Variants in AKAP6 observed in about 807,000 individuals in gnomAD.
AKAP6 encodes the protein A-kinase anchor protein 6.
In AKAP6, 58 loss-of-function variants were observed where a neutral mutation model predicts 188.5. That is an observed-to-expected ratio of 0.31 (90% CI 0.25 to 0.38). AKAP6 has a LOEUF of 0.38. AKAP6 is among the 10% of genes least tolerant of loss of function. The probability of loss-of-function intolerance (pLI) is 1.00; values close to 1 mark genes in which losing one functional copy is unlikely to be tolerated. For synonymous variants in AKAP6, 989 were observed against 998.6 expected, an observed-to-expected ratio of 0.99 and a Z score of 0.18; for missense variants, 2,710 against 2,740.0, an observed-to-expected ratio of 0.99 and a Z score of 0.24.
At chr14:32,700,860 A>G (rs1890592221) in intron 9 of AKAP6, among the ~76,000 whole-genome samples, 2 of 152,210 alleles carry the variant, frequency 1.3e-5, no homozygotes, top group African/African-American at 4.8e-5. Flanking sequence ...TAGCAGGGAT[A>G]TACATTTCTC....
chr14:32,570,438 G>A (rs1884427337), intron 4 of AKAP6, among the ~76,000 whole-genome samples: 1 of 151,972 alleles, frequency 6.6e-6, no homozygotes, highest in Non-Finnish European at 1.5e-5. Flanking sequence ...CACTGCGCCT[G>A]GCCCGTGTGG....
At chr14:32,421,244 T>C (rs1889839902) in intron 1 of AKAP6, among the ~76,000 whole-genome samples, 1 of 152,152 alleles carries the variant, frequency 6.6e-6, no homozygotes, top group Non-Finnish European at 1.5e-5. Flanking sequence ...TCCTTCATTT[T>C]CTTGAAAGAT....
At chr14:32,745,515 C>G (rs1162306107) in intron 11 of AKAP6, among the ~76,000 whole-genome samples, 2 of 150,138 alleles carry the variant, frequency 1.3e-5, no homozygotes, top group African/African-American at 2.5e-5. Flanking sequence ...CTCTCTCTCT[C>G]TCTGTCTGTC....
intron 12 of AKAP6, among the ~76,000 whole-genome samples, chr14:32,794,001 C>A (rs557866897): frequency 6.6e-6 from 1 of 152,192 alleles, no homozygotes; most frequent in East Asian, 1.9e-4. Context: ...ATCAAGTGGA[C>A]CTGATAGATA....
chr14:32,689,881 A>T (rs1389428532), intron 8 of AKAP6, among the ~76,000 whole-genome samples: 2 of 152,046 alleles, frequency 1.3e-5, no homozygotes, highest in Non-Finnish European at 2.9e-5. Context: ...TCCTAGGCAA[A>T]TAATGTGAAC....
At chr14:32,388,366 C>T (rs1010348750) in intron 1 of AKAP6, among the ~76,000 whole-genome samples, 2 of 151,834 alleles carry the variant, frequency 1.3e-5, no homozygotes, top group African/African-American at 2.4e-5. Context: ...TCATTTAGTT[C>T]TGCTCTGATC....
intron 7 of AKAP6, among the ~76,000 whole-genome samples, chr14:32,641,922 A>C (rs1887774531): frequency 6.6e-6 from 1 of 152,178 alleles, no homozygotes; most frequent in Non-Finnish European, 1.5e-5. Flanking sequence ...GTTCTCAGTG[A>C]CTAGAGATTT....
chr14:32,426,724 G>A lies in AKAP6; in HGVS notation c.-34-6736G>A, dbSNP rs570879168. ...GTGCCACTGCGGCTGCCTGCCTGAA[G>A]CAGTCAAATGAATCTCTCTGTGACA... On this transcript the variant is annotated intron_variant, in intron 1 of 13. Transcript: ENST00000280979. Among the ~76,000 whole-genome samples, 4 of 152,292 alleles carry A rather than the reference G, an allele frequency of 2.6e-5. No homozygotes were observed. In the East Asian group the frequency reaches 5.8e-4, roughly 22 times the overall value.
At chr14:32,541,060 GAAATA>G (rs976253320) in intron 3 of AKAP6, among the ~76,000 whole-genome samples, 38 of 151,588 alleles carry the variant, frequency 2.5e-4, no homozygotes, top group African/African-American at 9.0e-4. Flanking sequence ...ATAACCTATG[GAAATA>G]AAATAAATAA....
In AKAP6 at chr14:32,615,167, C is replaced by CAAAAAAAAAAAAGAAAAA. The variant is rs1886512274; in HGVS notation, c.2730+14387_2730+14388insGAAAAAAAAAAAAAAAAA. On this transcript the variant is annotated intron_variant, in intron 7 of 13. Transcript: ENST00000280979. Reference sequence around the variant, plus strand: ...CTGGCAACAGAGCAAGACTCTGTCTCAAAAAAAAAAAAAAAAAAAGATAAA... The same window carrying CAAAAAAAAAAAAGAAAAA: ...CTGGCAACAGAGCAAGACTCTGTCTCAAAAAAAAAAAAGAAAAAAAAAAAAAAAAAAAAAAAAGATAAA... Among the ~76,000 whole-genome samples the CAAAAAAAAAAAAGAAAAA allele has an allele frequency of 3.7e-5, 2 of 53,506 alleles. 1 individual carries two copies. Among genetic ancestry groups the CAAAAAAAAAAAAGAAAAA allele is most frequent in the Non-Finnish European group, 6.4e-5 (2 of 31,008 alleles). The allele number at this position is 53,506 out of a possible 152,430, so 35.1% of individuals were successfully genotyped here. A position where few individuals can be genotyped will look rare whatever the true frequency, so the allele number is the denominator to read the frequency against.
chr14:32,770,335 T>C (rs934942910), intron 11 of AKAP6, among the ~76,000 whole-genome samples: 13 of 152,336 alleles, frequency 8.5e-5, no homozygotes, highest in African/African-American at 3.1e-4. Flanking sequence ...TAGGTAAATA[T>C]AAAAGCACTT....
At chr14:32,644,236 G>A (rs774187967) in intron 7 of AKAP6, among the ~76,000 whole-genome samples, 4 of 152,186 alleles carry the variant, frequency 2.6e-5, no homozygotes, top group Non-Finnish European at 5.9e-5. Flanking sequence ...TGGAGTTGGA[G>A]TTATTCTTCA....
At chr14:32,370,384 T>C (rs988425401) in intron 1 of AKAP6, among the ~76,000 whole-genome samples, 3 of 152,234 alleles carry the variant, frequency 2.0e-5, no homozygotes, top group African/African-American at 4.8e-5. Context: ...TCTAGGTTCT[T>C]AAGAGGAATG....
intron 11 of AKAP6, among the ~76,000 whole-genome samples, chr14:32,739,411 C>G (rs1026627817): frequency 2.6e-5 from 4 of 151,940 alleles, no homozygotes; most frequent in African/African-American, 9.7e-5. Flanking sequence ...TAAAAATATA[C>G]AATTAAGTTA....
chr14:32,813,473 C>T (rs1191865945), intron 12 of AKAP6, among the ~76,000 whole-genome samples: 2 of 142,888 alleles, frequency 1.4e-5, no homozygotes, highest in African/African-American at 5.1e-5. Flanking sequence ...TTCTGGTGAC[C>T]ACCCCCAACC....
At chr14:32,573,045 G>A (rs541843090) in intron 4 of AKAP6, among the ~76,000 whole-genome samples, 1 of 152,242 alleles carries the variant, frequency 6.6e-6, no homozygotes, top group South Asian at 2.1e-4. Context: ...GTGGGCAGGA[G>A]GACAGGATCT....
At chr14:32,663,197 A>G (rs1046887886) in intron 7 of AKAP6, among the ~76,000 whole-genome samples, 4 of 152,118 alleles carry the variant, frequency 2.6e-5, no homozygotes, top group African/African-American at 9.7e-5. Context: ...GATCCCTATT[A>G]GTCAAGGAAT....
chr14:32,822,388 T>C lies in AKAP6; in HGVS notation c.4575T>C (p.His1525=). The C allele has an allele frequency of 1.2e-6, 2 of 1,613,966 alleles. No homozygotes were observed. Among genetic ancestry groups the C allele is most frequent in the Non-Finnish European group, 1.7e-6 (2 of 1,179,934 alleles). ...AGTTACAACCAGATGTACCTCCCCA[T>C]GAAAGGATTTTGGCAAGTGCATCTC... is the stretch of plus-strand genomic sequence containing the variant. ...TTELQPDVPP[H]ERILASASHE... Residue 1525 remains histidine, a synonymous_variant, in exon 13 of 14, where the codon CAT becomes CAC. Transcript: ENST00000280979.
chr14:32,701,165 G>C (rs1456159876), intron 9 of AKAP6, among the ~76,000 whole-genome samples: 1 of 151,822 alleles, frequency 6.6e-6, no homozygotes, highest in East Asian at 1.9e-4. Flanking sequence ...TATGAATTTG[G>C]GGTTATTTAT....
Sources: allele counts gnomAD v4.1 joint callset (sites outside exome capture counted in the v4.1 genomes callset), GRCh38; gene constraint gnomAD v4.1.1; transcripts MANE v1.5; gene names NCBI Gene and HGNC (gene_info 2026-07-23, HGNC 2026-07-21).